UBA6: variants seen among roughly 807,000 people sequenced by gnomAD.
UBA6 encodes ubiquitin-like modifier-activating enzyme 6.
Under a neutral mutation model 148.3 loss-of-function variants are expected in UBA6, and 87 were observed. That is an observed-to-expected ratio of 0.59 (90% CI 0.49 to 0.70). UBA6 has a LOEUF of 0.70. Ranked by LOEUF, UBA6 falls within the 30% of genes least tolerant of loss-of-function variation. UBA6 has a pLI of 0.00. For synonymous variants in UBA6, 376 were observed against 401.0 expected, an observed-to-expected ratio of 0.94 and a Z score of 0.75; for missense variants, 1,186 against 1,241.2, an observed-to-expected ratio of 0.96 and a Z score of 0.67.
chr4:67,687,007 G>A (rs1322686435), intron 2 of UBA6, among the ~76,000 whole-genome samples: 33 of 109,694 alleles, frequency 3.0e-4, no homozygotes, highest in African/African-American at 1.1e-3. Flanking sequence ...ACAACCTACC[G>A]TTTTTACATA....
At chr4:67,664,823 T>C (rs537188050) in intron 10 of UBA6, among the ~76,000 whole-genome samples, 2 of 152,290 alleles carry the variant, frequency 1.3e-5, no homozygotes, top group South Asian at 2.1e-4. Context: ...AAAACAACTC[T>C]TGCTAAATCT....
chr4:67,689,408 C>G (rs1185457295), intron 2 of UBA6, among the ~76,000 whole-genome samples: 1 of 151,954 alleles, frequency 6.6e-6, no homozygotes, highest in African/African-American at 2.4e-5. Context: ...ATATAAGATG[C>G]CAGAAAGTTA....
chr4:67,692,792 G>C (rs989363784), intron 2 of UBA6, among the ~76,000 whole-genome samples: 1 of 152,280 alleles, frequency 6.6e-6, no homozygotes, highest in Admixed American at 6.5e-5. Context: ...GTACTCTATA[G>C]AAAGGATTGT....
intron 26 of UBA6, among the ~76,000 whole-genome samples, chr4:67,630,195 T>C (rs1403363739): frequency 6.6e-6 from 1 of 152,162 alleles, no homozygotes; most frequent in African/African-American, 2.4e-5. Context: ...AAGCAGGTTA[T>C]AAATATTCTT....
intron 2 of UBA6, among the ~76,000 whole-genome samples, chr4:67,690,770 TAAAACAAAAC>T (rs141552662): frequency 1.8e-4 from 27 of 151,730 alleles, no homozygotes; most frequent in Non-Finnish European, 3.7e-4. Context: ...ATGACCATTA[TAAAACAAAAC>T]AAAACAAAAC....
At chr4:67,635,586 CA>C (rs1389232410) in intron 19 of UBA6, 28 bp from the exon 20 acceptor site, 1 of 1,414,920 alleles carries the variant, frequency 7.1e-7, no homozygotes, top group Non-Finnish European at 1.0e-6. Flanking sequence ...AAGTAAAAAA[CA>C]AAAAAGTGAG....
chr4:67,666,272 C>T (rs1475023768), intron 9 of UBA6, among the ~76,000 whole-genome samples: 1 of 151,904 alleles, frequency 6.6e-6, no homozygotes, highest in African/African-American at 2.4e-5. Context: ...AAATGTTTCT[C>T]ATTTCTAAAC....
chr4:67,696,148 A>AATC (rs10660787), intron 2 of UBA6, among the ~76,000 whole-genome samples: 57,677 of 151,726 alleles, frequency 0.38, 11,046 homozygotes, highest in Middle Eastern at 0.49. Context: ...ACAATGAAGT[A>AATC]ATATTCTCTA....
In UBA6 at chr4:67,663,196, G is replaced by C. The variant is rs371290208; in HGVS notation, c.980C>G (p.Thr327Arg). The C allele has an allele frequency of 4.3e-6, 7 of 1,611,186 alleles. No homozygotes were observed. In the African/African-American group the frequency reaches 8.0e-5, roughly 18 times the overall value. Residue 327 changes from threonine (T) to arginine (R), a missense_variant, in exon 12 of 33, where the codon ACA becomes AGA. Thr to Arg is a moderately conservative substitution (Grantham distance 71). Transcript: ENST00000322244. ...AAACTGGTCCAAGGCAAGCATAGCTGTGTGAATCTCTAAAGGTGCCTATTG... is the reference window on the plus strand; with the variant it reads ...AAACTGGTCCAAGGCAAGCATAGCTCTGTGAATCTCTAAAGGTGCCTATTG... ...SNPEAPLEIH[T>R]AMLALDQFQE...
intron 13 of UBA6, among the ~76,000 whole-genome samples, chr4:67,655,408 T>C (rs981319625): frequency 1.3e-5 from 2 of 152,074 alleles, no homozygotes; most frequent in African/African-American, 2.4e-5. Context: ...CACAACTACA[T>C]GGAAACTGAA....
intron 16 of UBA6, 131 bp from the exon 17 acceptor site, chr4:67,644,909 A>G (rs1182462115): frequency 7.5e-6 from 4 of 530,092 alleles, no homozygotes; most frequent in Non-Finnish European, 1.4e-5. Context: ...AAATAAGGAA[A>G]AGCATAATTG....
At position 67,663,941 on chromosome 4, in the gene UBA6, G is replaced by A. The variant is rs1729927004; in HGVS notation, c.904C>T (p.Leu302=). 6.2e-7 allele frequency: 1 copy of A among 1,612,060 alleles called. No individual in the cohort carries two copies. Among genetic ancestry groups the A allele is most frequent in the Non-Finnish European group, 8.5e-7 (1 of 1,179,176 alleles). Residue 302 remains leucine (L), a synonymous_variant, in exon 11 of 33, where the codon CTG becomes TTG. Coordinates refer to ENST00000322244, the MANE Select transcript of UBA6 (RefSeq NM_018227.6). ...TTTGGATGTTTTAACTGCCTCTCCA[G>A]TGATTCCTGATAGGAAGGAAAAAGT... ...KTPKTVFFES[L]ERQLKHPKCL... is the part of the protein sequence containing the mutation.
In UBA6 at chr4:67,630,884, A is replaced by G. The variant is rs1243117035; in HGVS notation, c.2259-349T>C. On this transcript the variant is annotated intron_variant, in intron 25 of 32. Coordinates refer to ENST00000322244, the MANE Select transcript of UBA6 (RefSeq NM_018227.6). ...AAATATTATACATTTGGTCTTAATG[A>G]GTATATATCAAGTTCAAACTAAGTA... is the stretch of plus-strand genomic sequence containing the variant. 2.6e-5 allele frequency among the ~76,000 whole-genome samples: 4 copies of G among 152,320 alleles called. No homozygotes were observed. The East Asian group carries it at 7.7e-4, about 29-fold the overall frequency.
At chr4:67,671,164 T>C (rs1235197664) in intron 7 of UBA6, among the ~76,000 whole-genome samples, 1 of 152,316 alleles carries the variant, frequency 6.6e-6, no homozygotes, top group East Asian at 1.9e-4. Flanking sequence ...AACACATGCA[T>C]TGTCTCCATT....
intron 13 of UBA6, among the ~76,000 whole-genome samples, chr4:67,659,618 TAGGA>T (rs1729794234): frequency 6.6e-6 from 1 of 152,010 alleles, no homozygotes; most frequent in Non-Finnish European, 1.5e-5. Context: ...GTATTTTATA[TAGGA>T]ATATATAAAA....
intron 9 of UBA6, among the ~76,000 whole-genome samples, chr4:67,666,946 A>T (rs1424160809): frequency 6.6e-6 from 1 of 152,180 alleles, no homozygotes; most frequent in Non-Finnish European, 1.5e-5. Flanking sequence ...GCAGAATATT[A>T]CTTTAGATCA....
Position 67,646,865 on chromosome 4 carries a change from T to C in UBA6, c.1249-74A>G, listed in dbSNP as rs897898674. Reference sequence around the variant, plus strand: ...CTATAAAAAGAAGCTCCTTTATAGTTATTTAATAGTCATGAAGAAAAAAAT... The same window carrying C: ...CTATAAAAAGAAGCTCCTTTATAGTCATTTAATAGTCATGAAGAAAAAAAT... On this transcript the variant is annotated intron_variant, in intron 14 of 32. Coordinates refer to ENST00000322244, the MANE Select transcript of UBA6 (RefSeq NM_018227.6). 92 of 800,542 alleles carry C rather than the reference T, an allele frequency of 1.1e-4. No homozygotes were observed. In the Middle Eastern group the frequency reaches 2.9e-3, roughly 25 times the overall value. 49.6% of individuals were successfully genotyped at this position (800,542 alleles called of 1,614,324 possible). A position where few individuals can be genotyped will look rare whatever the true frequency, so the allele number is the denominator to read the frequency against.
chr4:67,673,600 A>G (rs1256723354), intron 7 of UBA6, 97 bp downstream of exon 7: 5 of 657,482 alleles, frequency 7.6e-6, no homozygotes, highest in Admixed American at 2.6e-5. Context: ...TAATATGTAA[A>G]AAGTTTCTTA....
At chr4:67,678,928 G>A (rs1730355694) in intron 4 of UBA6, among the ~76,000 whole-genome samples, 1 of 151,988 alleles carries the variant, frequency 6.6e-6, no homozygotes, top group African/African-American at 2.4e-5. Flanking sequence ...AGACACACTG[G>A]GAGAAATACA....
Sources: gnomAD v4.1 joint callset for allele counts (sites outside exome capture counted in the v4.1 genomes callset) on GRCh38, gnomAD v4.1.1 for gene constraint, MANE v1.5 for transcripts, NCBI Gene and HGNC (gene_info 2026-07-23, HGNC 2026-07-21) for gene names.